The following LRBA variants were observed in gnomAD, a reference collection of about 807,000 sequenced individuals.
LRBA encodes the protein lipopolysaccharide-responsive and beige-like anchor protein.
In LRBA, 176 loss-of-function variants were observed where a neutral mutation model predicts 330.0. The observed-to-expected ratio is 0.53, with a 90% CI of 0.47 to 0.60. The LOEUF (loss-of-function observed/expected upper bound fraction) is 0.60, where lower values mean the gene tolerates loss of function less well. LRBA is among the 20% of genes least tolerant of loss of function. The probability of loss-of-function intolerance (pLI) is 0.00; values close to 1 mark genes in which losing one functional copy is unlikely to be tolerated. For missense variants in LRBA, 3,259 were observed against 3,444.8 expected (o/e 0.95, Z 1.35); for synonymous variants, 1,230 against 1,193.0 (o/e 1.03, Z -0.64).
intron 48 of LRBA, among the ~76,000 whole-genome samples, chr4:150,346,253 A>C (rs977058220): frequency 6.6e-6 from 1 of 151,870 alleles, no homozygotes; most frequent in Admixed American, 6.6e-5. Context: ...ATGTTTAATA[A>C]ATGCCAAATC....
At chr4:150,598,921 A>G in intron 38 of LRBA, 86 bp downstream of exon 38, 1 of 1,517,516 alleles carries the variant, frequency 6.6e-7, no homozygotes, top group South Asian at 1.2e-5. Context: ...GGACCATTTT[A>G]CAGTGCCTTG....
chr4:150,777,972 CAAAAAAAAAAAAAAA>C (rs57988391), intron 34 of LRBA, among the ~76,000 whole-genome samples: 3 of 65,650 alleles, frequency 4.6e-5, no homozygotes, highest in Non-Finnish European at 8.9e-5. Context: ...GACTCTGTTT[CAAAAAAAAAAAAAAA>C]AAAAAAAAAA....
At position 150,852,139 on chromosome 4, in the gene LRBA, A is replaced by G; in HGVS notation, c.3571T>C (p.Ser1191Pro). ...ATTTGGGAAACAGTAGTTTCTGGTG[A>G]CATAGCTGAAGACCCTGATGCTGTC... ...TMTASGSSAM[S>P]PETTVSQIAV... Residue 1191 changes from serine to proline, a missense_variant, in exon 23 of 57, where the codon TCA (serine) becomes CCA (proline). Transcript: ENST00000651943. The G allele has an allele frequency of 6.2e-7, 1 of 1,614,150 alleles. No individual in the cohort carries two copies. Among genetic ancestry groups the G allele is most frequent in the Non-Finnish European group, 8.5e-7 (1 of 1,179,984 alleles).
intron 37 of LRBA, among the ~76,000 whole-genome samples, chr4:150,623,766 G>A (rs568928124): frequency 1.3e-4 from 20 of 151,944 alleles, no homozygotes; most frequent in South Asian, 4.2e-4. Context: ...CGTGAACTGA[G>A]AAGAATGTTC....
At chr4:150,771,530 T>A (rs1370881123) in intron 34 of LRBA, among the ~76,000 whole-genome samples, 1 of 152,200 alleles carries the variant, frequency 6.6e-6, no homozygotes, top group Non-Finnish European at 1.5e-5. Context: ...TGGGCAGAAG[T>A]ACGGCATGCA....
chr4:150,296,957 G>A (rs1393219198), intron 53 of LRBA, among the ~76,000 whole-genome samples: 2 of 129,098 alleles, frequency 1.5e-5, no homozygotes, highest in Non-Finnish European at 3.1e-5. Context: ...AAAAGCAGAA[G>A]AATCCTACGT....
intron 47 of LRBA, among the ~76,000 whole-genome samples, chr4:150,365,956 G>A (rs966541714): frequency 1.3e-5 from 2 of 151,822 alleles, no homozygotes; most frequent in African/African-American, 2.4e-5. Context: ...TTGGTTCTAC[G>A]TTTCTGTTAA....
At chr4:150,480,031 G>A (rs546712706) in intron 42 of LRBA, among the ~76,000 whole-genome samples, 21 of 152,284 alleles carry the variant, frequency 1.4e-4, no homozygotes, top group African/African-American at 5.1e-4. Flanking sequence ...AATTAGGTAT[G>A]CTAAAAGTAA....
chr4:150,538,993 TAGAC>T lies in LRBA; in HGVS notation c.6331-47962_6331-47959del, dbSNP rs1055616375. On this transcript the variant is annotated intron_variant, in intron 40 of 56. Coordinates refer to ENST00000651943, the MANE Select transcript of LRBA (RefSeq NM_001364905.1). Reference sequence around the variant, plus strand: ...AAAACCTTTAACTTTTTTTTTTTGTTAGACAGAGTCTCATTCTTGTCACCCAGGC... The same window carrying T: ...AAAACCTTTAACTTTTTTTTTTTGTTAGAGTCTCATTCTTGTCACCCAGGC... 4.6e-5 allele frequency among the ~76,000 whole-genome samples: 7 copies of T among 152,002 alleles called. No homozygotes were observed. In the East Asian group the frequency reaches 5.8e-4, roughly 13 times the overall value.
intron 47 of LRBA, among the ~76,000 whole-genome samples, chr4:150,390,617 ACCCAAAATTT>A (rs1249643870): frequency 6.6e-6 from 1 of 152,184 alleles, no homozygotes; most frequent in Non-Finnish European, 1.5e-5. Context: ...AGGAATTTTT[ACCCAAAATTT>A]CCCAAAATTT....
At chr4:150,730,641 T>C (rs1292350844) in intron 36 of LRBA, among the ~76,000 whole-genome samples, 4 of 130,074 alleles carry the variant, frequency 3.1e-5, no homozygotes, top group Non-Finnish European at 4.7e-5. Context: ...CAAGATCGCA[T>C]CACTGCACTC....
intron 40 of LRBA, among the ~76,000 whole-genome samples, chr4:150,585,525 G>A (rs948365096): frequency 6.6e-6 from 1 of 152,032 alleles, no homozygotes; most frequent in Admixed American, 6.6e-5. Context: ...TTTAACAAAG[G>A]TTTCTTTTTA....
At chr4:150,360,317 A>T (rs988456123) in intron 47 of LRBA, among the ~76,000 whole-genome samples, 47 of 139,678 alleles carry the variant, frequency 3.4e-4, no homozygotes, top group Non-Finnish European at 6.3e-4. Context: ...TTTAAAAAGT[A>T]AAAAAAAAAA....
intron 47 of LRBA, among the ~76,000 whole-genome samples, chr4:150,390,834 G>C (rs144461438): frequency 1.9e-4 from 29 of 152,260 alleles, no homozygotes; most frequent in African/African-American, 6.7e-4. Context: ...TAAATAAACT[G>C]TTCAGCTAGA....
chr4:150,549,410 C>A (rs1261363005), intron 40 of LRBA, among the ~76,000 whole-genome samples: 1 of 152,004 alleles, frequency 6.6e-6, no homozygotes, highest in Non-Finnish European at 1.5e-5. Context: ...CGGCTCACTG[C>A]AAGCTCCGCC....
chr4:150,314,892 G>T (rs1269709137), intron 51 of LRBA: 1 of 151,930 alleles, frequency 6.6e-6, no homozygotes, highest in African/African-American at 2.4e-5. Flanking sequence ...CTTTCTGGTC[G>T]CCTCCCTATT....
chr4:150,657,657 G>A (rs1271225029), intron 37 of LRBA, among the ~76,000 whole-genome samples: 1 of 151,924 alleles, frequency 6.6e-6, no homozygotes, highest in Non-Finnish European at 1.5e-5. Flanking sequence ...TTAAAAGGGG[G>A]TTTTAAGATT....
At chr4:150,755,367 C>A (rs1244939573) in intron 35 of LRBA, among the ~76,000 whole-genome samples, 1 of 152,116 alleles carries the variant, frequency 6.6e-6, no homozygotes, top group Non-Finnish European at 1.5e-5. Context: ...CAACAGTATG[C>A]AGGATAATCT....
At chr4:150,575,043 A>G (rs1770368961) in intron 40 of LRBA, among the ~76,000 whole-genome samples, 1 of 152,008 alleles carries the variant, frequency 6.6e-6, no homozygotes, top group East Asian at 1.9e-4. Context: ...CAGTCAGAAA[A>G]TAAGAGAATG....
Sources: gnomAD v4.1 joint callset for allele counts (sites outside exome capture counted in the v4.1 genomes callset) on GRCh38, gnomAD v4.1.1 for gene constraint, MANE v1.5 for transcripts, NCBI Gene and HGNC (gene_info 2026-07-23, HGNC 2026-07-21) for gene names.